Variants in TBC1D10A observed in about 807,000 individuals in gnomAD.
TBC1D10A encodes EBP50-PDX interactor of 64 kDa.
In TBC1D10A, 24 loss-of-function variants were observed where a neutral mutation model predicts 52.9. The observed-to-expected ratio is 0.45, with a 90% CI of 0.33 to 0.64. TBC1D10A has a LOEUF of 0.64. Among genes scored for constraint, TBC1D10A ranks in the 30% least tolerant of loss-of-function variants. The pLI is 0.02. For missense variants in TBC1D10A, 602 were observed against 687.9 expected (o/e 0.88, Z 1.40); for synonymous variants, 278 against 282.9 (o/e 0.98, Z 0.17).
intron 1 of TBC1D10A, chr22:30,318,702 A>T (rs1205273372): frequency 2.1e-6 from 1 of 471,090 alleles, no homozygotes; most frequent in Admixed American, 2.3e-5. Flanking sequence ...AGCACTAATG[A>T]TTTGCCAGCC....
intron 1 of TBC1D10A, among the ~76,000 whole-genome samples, chr22:30,314,048 C>T (rs1304024197): frequency 2.0e-5 from 3 of 152,160 alleles, no homozygotes; most frequent in Non-Finnish European, 2.9e-5. Flanking sequence ...TTCATTTAAT[C>T]CTGACAAGCC....
intron 3 of TBC1D10A, 87 bp from the exon 4 acceptor site, chr22:30,295,930 G>A (rs148680552): frequency 0.015 from 18,716 of 1,248,828 alleles, 212 homozygotes; most frequent in Non-Finnish European, 0.017. Context: ...TTAGGGGAGG[G>A]GGCCCTCCAC....
At chr22:30,325,640 C>G (rs987387810) in intron 1 of TBC1D10A, among the ~76,000 whole-genome samples, 1 of 152,076 alleles carries the variant, frequency 6.6e-6, no homozygotes, top group African/African-American at 2.4e-5. Context: ...TCTCTGAGGC[C>G]TGGGCTCGGG....
chr22:30,306,938 C>G (rs1930321702), intron 1 of TBC1D10A, among the ~76,000 whole-genome samples: 1 of 152,200 alleles, frequency 6.6e-6, no homozygotes, highest in Non-Finnish European at 1.5e-5. Flanking sequence ...TCAATTAACT[C>G]AGTCAGGATC....
rs1930104579 is a variant in TBC1D10A, at chr22:30,297,398, A to C, written c.418-1555T>G. 6.6e-6 allele frequency: 1 copy of C among 152,300 alleles called. No homozygotes were observed. Among genetic ancestry groups the C allele is most frequent in the Non-Finnish European group, 1.5e-5 (1 of 68,108 alleles). The allele number at this position is 152,300 out of a possible 1,614,324, so 9.4% of individuals were successfully genotyped here. On this transcript the variant is annotated intron_variant, in intron 3 of 8. Transcript: ENST00000215790. The surrounding 1 kb of genome is among the most constrained non-coding windows in gnomAD (Gnocchi z 4.3). The stretch of plus-strand genomic sequence containing the variant: ...ACAAATTCTCCTAGCAGTTCCCATG[A>C]GGTAGGAACCCGAAAACCCCGGAAG...
Position 30,296,203 on chromosome 22 carries a change from C to G in TBC1D10A, c.418-360G>C, listed in dbSNP as rs73404588. Reference sequence around the variant, plus strand: ...AGAAGGCTGCTTCTCTGAGCAATAGCTACCAGCTGTTCCCACTTCTCTGAG... The same window carrying G: ...AGAAGGCTGCTTCTCTGAGCAATAGGTACCAGCTGTTCCCACTTCTCTGAG... On this transcript the variant is annotated intron_variant, in intron 3 of 8. Transcript: ENST00000215790. 4 of 214,804 alleles carry G rather than the reference C, an allele frequency of 1.9e-5. No individual in the cohort carries two copies. The East Asian group carries it at 6.1e-4, about 33-fold the overall frequency. The allele number at this position is 214,804 out of a possible 1,614,324, so 13.3% of individuals were successfully genotyped here.
chr22:30,314,604 G>A (rs1429200726), intron 1 of TBC1D10A, among the ~76,000 whole-genome samples: 7 of 151,840 alleles, frequency 4.6e-5, no homozygotes, highest in Non-Finnish European at 8.8e-5. Context: ...GAGGCCAGGA[G>A]TTTGAGACCA....
chr22:30,295,864 T>C (rs781597443), intron 3 of TBC1D10A, 21 bp from the exon 4 acceptor site: 2 of 1,604,272 alleles, frequency 1.2e-6, no homozygotes, highest in Non-Finnish European at 1.7e-6. Flanking sequence ...GGGCACAAAT[T>C]AGGGGCTGGG....
In TBC1D10A at chr22:30,293,501, G is replaced by A. The variant is rs567065439; in HGVS notation, c.1050+150C>T. ...GCCCCATGCTCTTCACCAGACAGAAGGATGAGGTCCACCCACATGTTCTGT... is the reference window on the plus strand; with the variant it reads ...GCCCCATGCTCTTCACCAGACAGAAAGATGAGGTCCACCCACATGTTCTGT... On this transcript the variant is annotated intron_variant, in intron 8 of 8. Coordinates refer to ENST00000215790, the MANE Select transcript of TBC1D10A (RefSeq NM_031937.3). The A allele has an allele frequency of 3.7e-5, 43 of 1,174,002 alleles. 1 individual carries two copies. The African/African-American group carries it at 5.2e-4, about 14-fold the overall frequency. The allele number at this position is 1,174,002 out of a possible 1,614,324, so 72.7% of individuals were successfully genotyped here.
At position 30,292,798 on chromosome 22, in the gene TBC1D10A, C is replaced by T; in HGVS notation, c.1104G>A (p.Gln368=). The change falls in exon 9 of 9, where the codon CAG becomes CAA. Residue 368 remains glutamine, a synonymous_variant. Transcript: ENST00000215790. ...ERQIEREHLI[Q]LRRWQETRGE... ...CCCGGGTCTCCTGCCAGCGCCGCAG[C>T]TGAATGAGGTGTTCGCGCTCAATCT... 2 of 1,612,138 alleles carry T rather than the reference C, an allele frequency of 1.2e-6. No individual in the cohort carries two copies. Among genetic ancestry groups the T allele is most frequent in the Non-Finnish European group, 1.7e-6 (2 of 1,179,962 alleles).
intron 3 of TBC1D10A, chr22:30,296,329 A>G (rs538896064): frequency 1.1e-3 from 167 of 154,226 alleles, no homozygotes; most frequent in Non-Finnish European, 2.1e-3. Context: ...CGCAGATGAG[A>G]AAACTGAATG....
chr22:30,303,187 G>A (rs1016736029), intron 2 of TBC1D10A, among the ~76,000 whole-genome samples: 2 of 152,172 alleles, frequency 1.3e-5, no homozygotes, highest in African/African-American at 2.4e-5. Context: ...GCTGAGGTGG[G>A]AGAATCACTT....
rs1382409775 is a variant in TBC1D10A at position 30,292,839 on chromosome 22, G to A, written c.1063C>T (p.Pro355Ser). Residue 355 changes from proline to serine, a missense_variant, in exon 9 of 9, where the codon CCC (proline) becomes TCC (serine). Pro to Ser is a moderately conservative substitution (Grantham distance 74, BLOSUM62 -1). Around this residue, in one of 3 missense-constraint regions of TBC1D10A, gnomAD observed 265 missense variants for 275.1 expected, o/e 0.96. Transcript: ENST00000215790. ...CGCTCAATCTGGCGCTCTGTCACGG[G>A]CAACTCCACCACCTGCAGGGGCAGT... is the stretch of plus-strand genomic sequence containing the variant. Reference protein sequence around the residue: ...AFLVQEVVELPVTERQIEREH... With the variant: ...AFLVQEVVELSVTERQIEREH... The A allele has an allele frequency of 6.2e-7, 1 of 1,610,876 alleles. No homozygotes were observed. The highest frequency in any genetic ancestry group is 2.2e-5 in the East Asian group (1 of 44,896).
At chr22:30,293,230 T>C in intron 8 of TBC1D10A, 1 of 620,032 alleles carries the variant, frequency 1.6e-6, no homozygotes, top group Non-Finnish European at 3.1e-6. Context: ...GGTGGGTGAC[T>C]TTAAGGGGAG....
In TBC1D10A at chr22:30,309,903, T is replaced by C. The variant is rs1177881620; in HGVS notation, c.210-5273A>G. ...TCAGCAAGGGCAGTGTCCATGCTCA[T>C]CACCTCCTTATCCTAGCCTGTCGTG... On this transcript the variant is annotated intron_variant, in intron 1 of 8. Transcript: ENST00000215790. 2.6e-5 allele frequency among the ~76,000 whole-genome samples: 4 copies of C among 152,192 alleles called. No homozygotes were observed. The East Asian group carries it at 7.7e-4, about 29-fold the overall frequency.
At chr22:30,294,905 C>T in intron 5 of TBC1D10A, 36 bp downstream of exon 5, 1 of 1,614,044 alleles carries the variant, frequency 6.2e-7, no homozygotes, top group East Asian at 2.2e-5. Flanking sequence ...GGGGGTTCCC[C>T]ACCCACCCCC....
intron 1 of TBC1D10A, among the ~76,000 whole-genome samples, chr22:30,318,118 G>A (rs1201738919): frequency 6.6e-6 from 1 of 152,072 alleles, no homozygotes. Context: ...AAGTGCTGAG[G>A]GGTTTGCCTT....
At chr22:30,311,659 A>G (rs1930428804) in intron 1 of TBC1D10A, among the ~76,000 whole-genome samples, 1 of 152,078 alleles carries the variant, frequency 6.6e-6, no homozygotes, top group Admixed American at 6.5e-5. Context: ...CACCCTACTC[A>G]GTGTGAGAAA....
chr22:30,303,315 AG>A, intron 2 of TBC1D10A, among the ~76,000 whole-genome samples: 1 of 151,928 alleles, frequency 6.6e-6, no homozygotes, highest in African/African-American at 2.4e-5. Flanking sequence ...ATAGACAGAC[AG>A]ACAGACAGAC....
Sources: gnomAD v4.1 joint callset for allele counts (sites outside exome capture counted in the v4.1 genomes callset) on GRCh38, gnomAD v4.1.1 for gene constraint, gnomAD v4.1.1 regional missense constraint, Gnocchi (gnomAD v3.1) non-coding constraint, MANE v1.5 for transcripts, NCBI Gene and HGNC (gene_info 2026-07-23, HGNC 2026-07-21) for gene names.